The following KYAT3 variants were observed in gnomAD, a reference collection of about 807,000 sequenced individuals.
KYAT3 encodes the protein kynurenine aminotransferase 3, also known as kynurenine--oxoglutarate transaminase 3.
A neutral mutation model predicts 59.0 loss-of-function variants in KYAT3; 50 were observed. The observed-to-expected ratio is 0.85, with a 90% CI of 0.68 to 1.07. The LOEUF is 1.07. Ranked by LOEUF, KYAT3 falls within the 50% of genes least tolerant of loss-of-function variation. The pLI, the probability that KYAT3 is intolerant of heterozygous loss-of-function variation, is 0.00. For missense variants in KYAT3, 497 were observed against 533.3 expected, an observed-to-expected ratio of 0.93 and a Z score of 0.67; for synonymous variants, 148 against 177.0, an observed-to-expected ratio of 0.84 and a Z score of 1.30.
At chr1:88,921,798 A>C in the KYAT3 span, among the ~76,000 whole-genome samples, 2 of 152,216 alleles carry the variant, frequency 1.3e-5, no homozygotes, top group African/African-American at 4.8e-5. Context: ...TCAAGTCTGA[A>C]GGCCATCTGC....
chr1:88,939,952 A>G (rs1304837644), intron 13 of KYAT3, among the ~76,000 whole-genome samples: 2 of 152,040 alleles, frequency 1.3e-5, no homozygotes, highest in Non-Finnish European at 2.9e-5. Context: ...TATTTGCTCC[A>G]TGGCAACATT....
chr1:88,988,845 T>C (rs571218417), intron 1 of KYAT3, among the ~76,000 whole-genome samples: 31 of 152,208 alleles, frequency 2.0e-4, no homozygotes, highest in Non-Finnish European at 4.0e-4. Context: ...CCTTGATAAA[T>C]ATAAAGAATA....
At chr1:88,950,650 CA>C (rs1040097004) in intron 10 of KYAT3, among the ~76,000 whole-genome samples, 5 of 152,156 alleles carry the variant, frequency 3.3e-5, no homozygotes, top group African/African-American at 1.2e-4. Context: ...AACCTATTGA[CA>C]AATAATGTTG....
At chr1:88,988,414 C>T in intron 1 of KYAT3, 63 bp from the exon 2 acceptor site, 2 of 894,322 alleles carry the variant, frequency 2.2e-6, no homozygotes, top group East Asian at 2.5e-5. Flanking sequence ...CACTATCAGA[C>T]ACTTACAGCT....
chr1:88,978,346 GTC>G (rs948322879), intron 2 of KYAT3, among the ~76,000 whole-genome samples: 1 of 151,456 alleles, frequency 6.6e-6, no homozygotes, highest in African/African-American at 2.4e-5. Context: ...GAGTTGTGGT[GTC>G]TTTTTTTTTT....
chr1:88,961,081 A>C, intron 8 of KYAT3, 86 bp downstream of exon 8: 3 of 1,364,974 alleles, frequency 2.2e-6, no homozygotes, highest in Non-Finnish European at 3.1e-6. Flanking sequence ...AGACTGTTTT[A>C]GAGTTGGTCT....
At chr1:88,983,631 C>G in intron 2 of KYAT3, 1 of 1,614,010 alleles carries the variant, frequency 6.2e-7, no homozygotes, top group Non-Finnish European at 8.5e-7. Context: ...ATGTCTCTGG[C>G]TGCATCCTTA....
At chr1:88,983,826 T>C in intron 2 of KYAT3, 2 of 645,088 alleles carry the variant, frequency 3.1e-6, no homozygotes, top group Non-Finnish European at 4.3e-6. Flanking sequence ...GCTTCAACCA[T>C]TTTTTTTTTT....
chr1:88,921,821 T>A, the KYAT3 span, among the ~76,000 whole-genome samples: 1 of 152,212 alleles, frequency 6.6e-6, no homozygotes, highest in African/African-American at 2.4e-5. Context: ...ATAGATTCTC[T>A]TTAACTCAGG....
chr1:88,949,975 C>T (rs1274227444), intron 10 of KYAT3, among the ~76,000 whole-genome samples: 1 of 151,972 alleles, frequency 6.6e-6, no homozygotes. Flanking sequence ...GGAGGTGGGG[C>T]CTTTAGGAAG....
At chr1:88,925,495 C>G in the KYAT3 span, among the ~76,000 whole-genome samples, 2 of 152,172 alleles carry the variant, frequency 1.3e-5, no homozygotes, top group African/African-American at 4.8e-5. Flanking sequence ...TGTCCTGAGG[C>G]ATCTAGACAT....
chr1:88,992,340 CAA>C (rs1273861738), intron 1 of KYAT3, among the ~76,000 whole-genome samples: 2 of 152,234 alleles, frequency 1.3e-5, no homozygotes, highest in African/African-American at 4.8e-5. Context: ...ACAGCGAAAT[CAA>C]GAGTAAAAGC....
intron 2 of KYAT3, among the ~76,000 whole-genome samples, chr1:88,986,208 GAC>G (rs1337613059): frequency 1.2e-4 from 18 of 150,920 alleles, no homozygotes; most frequent in African/African-American, 4.4e-4. Flanking sequence ...GAGAGAGAGA[GAC>G]AGAGAGAGTT....
chr1:88,938,357 T>C (rs1175197205), intron 13 of KYAT3, among the ~76,000 whole-genome samples: 2 of 152,206 alleles, frequency 1.3e-5, no homozygotes, highest in Non-Finnish European at 2.9e-5. Context: ...AAATTGTATA[T>C]TTTTTATTGT....
At chr1:88,988,606 CTTAA>C (rs1181950659) in intron 1 of KYAT3, among the ~76,000 whole-genome samples, 3 of 152,050 alleles carry the variant, frequency 2.0e-5, no homozygotes, top group Non-Finnish European at 4.4e-5. Context: ...TAAGAATATT[CTTAA>C]TTAAAAAAAT....
chr1:88,950,681 T>C (rs533928216), intron 10 of KYAT3, among the ~76,000 whole-genome samples: 1 of 152,260 alleles, frequency 6.6e-6, no homozygotes, highest in African/African-American at 2.4e-5. Context: ...TCAAAATATA[T>C]TCAGAGTCCA....
At position 88,967,532 on chromosome 1, in the gene KYAT3, T is replaced by A. The variant is rs112126730; in HGVS notation, c.303+1138A>T. Reference sequence around the variant, plus strand: ...TAATAAGCCATCTAGGTATTGAGGTTTGTTTGCAGGAAGACTTTAATTACA... The same window carrying A: ...TAATAAGCCATCTAGGTATTGAGGTATGTTTGCAGGAAGACTTTAATTACA... On this transcript the variant is annotated intron_variant, in intron 4 of 13. Transcript: ENST00000260508. Among the ~76,000 whole-genome samples the A allele has an allele frequency of 2.6e-3, 393 of 152,174 alleles. 4 individuals are homozygous for A. The highest frequency in any genetic ancestry group is 6.8e-3 in the Middle Eastern group (2 of 294).
the KYAT3 span, among the ~76,000 whole-genome samples, chr1:88,925,899 T>C: frequency 6.6e-6 from 1 of 152,226 alleles, no homozygotes; most frequent in Non-Finnish European, 1.5e-5. Flanking sequence ...GTCTTCTCCC[T>C]GACCCTATAA....
rs1016947391 is a variant in KYAT3 at position 88,982,848 on chromosome 1, A to C, written c.99+5404T>G. 2.5e-6 allele frequency: 4 copies of C among 1,613,866 alleles called. No individual in the cohort carries two copies. The African/African-American group carries it at 5.3e-5, about 22-fold the overall frequency. On this transcript the variant is annotated intron_variant, in intron 2 of 13. Coordinates refer to ENST00000260508, the MANE Select transcript of KYAT3 (RefSeq NM_001008661.3). ...TAGAGATCACTTCGGCTGCTTGAGT[A>C]ACTGTCTCGACTTCCACCATATCCA...
Sources: gnomAD v4.1 joint callset for allele counts (sites outside exome capture counted in the v4.1 genomes callset) on GRCh38, gnomAD v4.1.1 for gene constraint, MANE v1.5 for transcripts, NCBI Gene and HGNC (gene_info 2026-07-23, HGNC 2026-07-21) for gene names.